The following GSPT1 variants were observed in gnomAD, a reference collection of about 807,000 sequenced individuals.
GSPT1 encodes eukaryotic peptide chain release factor GTP-binding subunit ERF3A.
A neutral mutation model predicts 72.5 loss-of-function variants in GSPT1; 20 were observed. That is an observed-to-expected ratio of 0.28 (90% CI 0.19 to 0.40). The LOEUF (loss-of-function observed/expected upper bound fraction) is 0.40, where lower values mean the gene tolerates loss of function less well. Ranked by LOEUF, GSPT1 falls within the 10% of genes least tolerant of loss-of-function variation. GSPT1 has a pLI of 1.00. For missense variants in GSPT1, 580 were observed against 811.9 expected (o/e 0.71, Z 3.47); for synonymous variants, 334 against 293.5 (o/e 1.14, Z -1.41).
chr16:11,916,085 C>T, upstream of GSPT1: 2 of 509,532 alleles, frequency 3.9e-6, no homozygotes, highest in Admixed American at 2.4e-5. Context: ...CCGTTTCCGG[C>T]TATTTAGCGC....
chr16:11,874,798 T>C (rs1224331921), intron 14 of GSPT1, among the ~76,000 whole-genome samples: 1 of 152,172 alleles, frequency 6.6e-6, no homozygotes, highest in Non-Finnish European at 1.5e-5. Flanking sequence ...CTAAATGGAA[T>C]TGGAATGAAC....
At chr16:11,896,850 T>C in intron 3 of GSPT1, 65 bp from the exon 4 acceptor site, 1 of 1,044,514 alleles carries the variant, frequency 9.6e-7, no homozygotes, top group Non-Finnish European at 1.4e-6. Context: ...TAAAATACAC[T>C]AGCTTTAAAA....
chr16:11,879,726 G>A, intron 11 of GSPT1, among the ~76,000 whole-genome samples: 1 of 135,190 alleles, frequency 7.4e-6, no homozygotes, highest in Non-Finnish European at 1.5e-5. Flanking sequence ...GCTACAGAGC[G>A]AGACTCCGTC....
chr16:11,915,673 C>CCAG lies in GSPT1; in HGVS notation c.47_48insCTG (p.Gly16_Ser17insTrp). Reference sequence around the variant, plus strand: ...CGCTGCTGCTGCTGCCGCTGCTGCTCCCGCCGCCGCCGCCGCCGCCGCCGC... The same window carrying CCAG: ...CGCTGCTGCTGCTGCCGCTGCTGCTCCAGCCGCCGCCGCCGCCGCCGCCGCCGC... On this transcript the variant is annotated inframe_insertion, in exon 1 of 15. Coordinates refer to ENST00000434724, the MANE Select transcript of GSPT1 (RefSeq NM_002094.4). 1 of 1,471,628 alleles carries CCAG rather than the reference C, an allele frequency of 6.8e-7. No homozygotes were observed. The allele number at this position is 1,471,628 out of a possible 1,614,324, so 91.2% of individuals were successfully genotyped here. A position where few individuals can be genotyped will look rare whatever the true frequency, so the allele number is the denominator to read the frequency against.
At position 11,887,647 on chromosome 16, in the gene GSPT1, T is replaced by C; in HGVS notation, c.880A>G (p.Ile294Val). The C allele has an allele frequency of 6.2e-7, 1 of 1,613,840 alleles. No individual in the cohort carries two copies. The highest frequency in any genetic ancestry group is 8.5e-7 in the Non-Finnish European group (1 of 1,179,714). The change falls in exon 7 of 15, where the codon ATT (isoleucine) becomes GTT (valine). Residue 294 changes from isoleucine (I) to valine (V), a missense_variant. By Grantham distance (29) the Ile-to-Val change is conservative. This residue lies in a region of GSPT1 where 51 missense variants were observed against 118.2 expected (regional missense o/e 0.43). Coordinates refer to ENST00000434724, the MANE Select transcript of GSPT1 (RefSeq NM_002094.4). ...CTCTTGTGGCCAGGGGCATCTAGAATTGTGAAATGCTTCTTTTCGGTTTCA... is the reference window on the plus strand; with the variant it reads ...CTCTTGTGGCCAGGGGCATCTAGAACTGTGAAATGCTTCTTTTCGGTTTCA... ...YFETEKKHFT[I>V]LDAPGHKSFV...
chr16:11,874,973 C>T (rs1023177598), intron 14 of GSPT1, among the ~76,000 whole-genome samples: 15 of 152,178 alleles, frequency 9.9e-5, no homozygotes, highest in Non-Finnish European at 1.9e-4. Context: ...GGGCGGATCA[C>T]GAGGTCAGGA....
intron 1 of GSPT1, among the ~76,000 whole-genome samples, chr16:11,911,694 G>A (rs996314890): frequency 1.2e-4 from 18 of 151,134 alleles, no homozygotes; most frequent in Non-Finnish European, 1.9e-4. Flanking sequence ...CTGGGACTAC[G>A]GGCGCGCACC....
rs750041160 is a variant in GSPT1, at chr16:11,896,759, G to C, written c.463C>G (p.Pro155Ala). 6 of 1,591,262 alleles carry C rather than the reference G, an allele frequency of 3.8e-6. No homozygotes were observed. In the African/African-American group the frequency reaches 5.4e-5, roughly 14 times the overall value. Residue 155 changes from proline (P) to alanine (A), a missense_variant, in exon 4 of 15, where the codon CCA (proline) becomes GCA (alanine). Around this residue, in one of 6 missense-constraint regions of GSPT1, gnomAD observed 327 missense variants for 298.8 expected, o/e 1.09. Transcript: ENST00000434724. ...TCTTTGTGCTCCCATGATTCTTCTG[G>C]AGACATTTCTGTCTCTCCATTTTCT... is the stretch of plus-strand genomic sequence containing the variant. ...IVENGETEMS[P>A]EESWEHKEEI... is the part of the protein sequence containing the mutation.
intron 1 of GSPT1, among the ~76,000 whole-genome samples, chr16:11,906,785 C>A (rs1352942528): frequency 6.6e-6 from 1 of 152,126 alleles, no homozygotes; most frequent in African/African-American, 2.4e-5. Flanking sequence ...CAGCAGCCAA[C>A]AAGTCTTAAT....
At chr16:11,910,124 A>G (rs1194886427) in intron 1 of GSPT1, among the ~76,000 whole-genome samples, 1 of 152,184 alleles carries the variant, frequency 6.6e-6, no homozygotes, top group Non-Finnish European at 1.5e-5. Flanking sequence ...AAAGTTTTTT[A>G]AAATACACAC....
intron 13 of GSPT1, 62 bp from the exon 14 acceptor site, chr16:11,875,991 A>G: frequency 6.6e-7 from 1 of 1,514,140 alleles, no homozygotes; most frequent in Non-Finnish European, 9.1e-7. Flanking sequence ...CTTTAAGAAC[A>G]GGTGTAGAAA....
intron 3 of GSPT1, 47 bp downstream of exon 3, chr16:11,897,793 G>T: frequency 3.2e-6 from 3 of 929,668 alleles, no homozygotes; most frequent in Non-Finnish European, 5.2e-6. Flanking sequence ...TCTTGAGAGT[G>T]AAAGAGTTTC....
intron 1 of GSPT1, among the ~76,000 whole-genome samples, chr16:11,914,547 T>A (rs577799173): frequency 6.6e-6 from 1 of 152,362 alleles, no homozygotes; most frequent in South Asian, 2.1e-4. Context: ...TAGACTGAAC[T>A]ACTGATGCAC....
chr16:11,886,956 T>G (rs373599882), intron 7 of GSPT1, 25 bp from the exon 8 acceptor site: 277 of 1,607,646 alleles, frequency 1.7e-4, no homozygotes, highest in Middle Eastern at 1.3e-3. Context: ...GGAAACAGTT[T>G]ACTCCTTCGC....
At chr16:11,894,452 G>T (rs549667154) in intron 5 of GSPT1, among the ~76,000 whole-genome samples, 46 of 152,214 alleles carry the variant, frequency 3.0e-4, no homozygotes, top group African/African-American at 1.1e-3. Flanking sequence ...TTAAGGAGCT[G>T]ATGAATGAGG....
chr16:11,896,831 T>C, intron 3 of GSPT1, 46 bp from the exon 4 acceptor site: 1 of 1,233,834 alleles, frequency 8.1e-7, no homozygotes, highest in Non-Finnish European at 1.2e-6. Context: ...AGACTTACAA[T>C]CTATACTTTA....
intron 14 of GSPT1, among the ~76,000 whole-genome samples, chr16:11,875,269 A>T (rs2054033376): frequency 6.6e-6 from 1 of 152,156 alleles, no homozygotes; most frequent in South Asian, 2.1e-4. Context: ...GCTCATAAGG[A>T]AACGTTTCAT....
chr16:11,885,073 AAAAACAAG>A (rs2141284650), intron 10 of GSPT1, 100 bp downstream of exon 10: 1 of 623,812 alleles, frequency 1.6e-6, no homozygotes, highest in Non-Finnish European at 2.9e-6. Flanking sequence ...CTGTCAAAAA[AAAAACAAG>A]AAAGAAAAGA....
chr16:11,872,294 G>A lies in GSPT1; in HGVS notation c.*825C>T, dbSNP rs967226188. The A allele has an allele frequency of 2.6e-5, 4 of 151,254 alleles. No individual in the cohort carries two copies. The East Asian group carries it at 7.7e-4, about 29-fold the overall frequency. The allele number at this position is 151,254 out of a possible 1,614,324, so 9.4% of individuals were successfully genotyped here. ...TTCTCTAGGGGTACAATTTCATTACGCTTTACTTATAAAAACTACAGTATG... is the reference window on the plus strand; with the variant it reads ...TTCTCTAGGGGTACAATTTCATTACACTTTACTTATAAAAACTACAGTATG... On this transcript the variant is annotated 3_prime_UTR_variant, in exon 15 of 15. Transcript: ENST00000434724.
Sources: allele counts gnomAD v4.1 joint callset (sites outside exome capture counted in the v4.1 genomes callset), GRCh38; gene constraint gnomAD v4.1.1; regional missense constraint gnomAD v4.1.1; transcripts MANE v1.5; gene names NCBI Gene and HGNC (gene_info 2026-07-23, HGNC 2026-07-21).